Variants in TRDN observed in about 807,000 individuals in gnomAD.
TRDN encodes the protein triadin.
Under a neutral mutation model 149.7 loss-of-function variants are expected in TRDN, and 161 were observed. The observed-to-expected ratio is 1.08, with a 90% confidence interval of 0.95 to 1.23. The LOEUF is 1.23. Among genes scored for constraint, TRDN ranks in the 50% most tolerant of loss-of-function variants. TRDN has a pLI of 0.00. For synonymous variants in TRDN, 294 were observed against 250.5 expected (o/e 1.17, Z -1.64); for missense variants, 896 against 823.5 (o/e 1.09, Z -1.08).
At chr6:123,224,579 T>C (rs1056906551) in intron 38 of TRDN, among the ~76,000 whole-genome samples, 6 of 151,806 alleles carry the variant, frequency 4.0e-5, no homozygotes, top group African/African-American at 1.4e-4. Flanking sequence ...TTGACAATTC[T>C]AAAAAGCCCA....
At chr6:123,574,180 A>G (rs999546389) in intron 1 of TRDN, among the ~76,000 whole-genome samples, 12 of 152,026 alleles carry the variant, frequency 7.9e-5, no homozygotes, top group Non-Finnish European at 1.6e-4. Context: ...TCGGAGCAAA[A>G]TAATTTAATT....
At chr6:123,613,423 A>G (rs1784910417) in intron 1 of TRDN, among the ~76,000 whole-genome samples, 2 of 152,208 alleles carry the variant, frequency 1.3e-5, no homozygotes, top group South Asian at 4.1e-4. Flanking sequence ...AGAAAGAGAG[A>G]TGAGCATATT....
chr6:123,452,667 C>T (rs939936401), intron 10 of TRDN, among the ~76,000 whole-genome samples: 1 of 152,128 alleles, frequency 6.6e-6, no homozygotes, highest in Non-Finnish European at 1.5e-5. Flanking sequence ...GGGAAAATGA[C>T]CATACTGCCA....
At chr6:123,544,011 A>T (rs1251928616) in intron 4 of TRDN, among the ~76,000 whole-genome samples, 1 of 152,070 alleles carries the variant, frequency 6.6e-6, no homozygotes, top group Admixed American at 6.6e-5. Context: ...TAACCTTTAG[A>T]CTATAAGAAT....
chr6:123,588,022 T>C (rs1783592334), intron 1 of TRDN, among the ~76,000 whole-genome samples: 1 of 152,114 alleles, frequency 6.6e-6, no homozygotes, highest in South Asian at 2.1e-4. Context: ...AGATCAAGTT[T>C]CTTATTATGT....
intron 8 of TRDN, 112 bp from the exon 9 acceptor site, chr6:123,497,364 C>A: frequency 6.2e-6 from 4 of 648,446 alleles, no homozygotes; most frequent in Admixed American, 3.9e-5. Context: ...ATTTTGGTTA[C>A]TACAATATTT....
intron 12 of TRDN, among the ~76,000 whole-genome samples, chr6:123,415,975 G>A (rs1773633271): frequency 6.6e-6 from 1 of 152,070 alleles, no homozygotes; most frequent in Non-Finnish European, 1.5e-5. Context: ...TAGCACTGCT[G>A]GGCCTAAATG....
chr6:123,433,194 T>A (rs965708997), intron 12 of TRDN, among the ~76,000 whole-genome samples: 1 of 139,416 alleles, frequency 7.2e-6, no homozygotes, highest in Admixed American at 7.4e-5. Flanking sequence ...CATCACACAA[T>A]GATCCAGCAA....
chr6:123,455,387 G>A (rs182688232), intron 10 of TRDN, among the ~76,000 whole-genome samples: 22 of 150,094 alleles, frequency 1.5e-4, no homozygotes, highest in Admixed American at 5.3e-4. Flanking sequence ...TATATAGAGT[G>A]AAACAAAAAA....
chr6:123,435,964 A>G (rs1156894619), intron 12 of TRDN, among the ~76,000 whole-genome samples: 9 of 151,846 alleles, frequency 5.9e-5, no homozygotes, highest in African/African-American at 2.2e-4. Flanking sequence ...CATTTCCCTC[A>G]AAAAGCTAAA....
intron 4 of TRDN, among the ~76,000 whole-genome samples, chr6:123,532,971 G>T (rs1583200619): frequency 6.6e-6 from 1 of 151,838 alleles, no homozygotes; most frequent in Non-Finnish European, 1.5e-5. Flanking sequence ...ATACTGTTTT[G>T]CTTGCTCCCT....
chr6:123,397,055 AAAC>A (rs1772760911), intron 12 of TRDN, among the ~76,000 whole-genome samples: 1 of 152,090 alleles, frequency 6.6e-6, no homozygotes, highest in Admixed American at 6.5e-5. Flanking sequence ...CTGAAAAAAA[AAAC>A]AGTGTATTTA....
chr6:123,420,758 T>A (rs1582997658), intron 12 of TRDN, among the ~76,000 whole-genome samples: 1 of 152,168 alleles, frequency 6.6e-6, no homozygotes, highest in East Asian at 1.9e-4. Flanking sequence ...AGATACTCAG[T>A]GTCGAAAAAA....
intron 10 of TRDN, among the ~76,000 whole-genome samples, chr6:123,454,391 A>G (rs1775978161): frequency 6.6e-6 from 1 of 152,194 alleles, no homozygotes; most frequent in Non-Finnish European, 1.5e-5. Context: ...GTAAAAAAAT[A>G]TGTTTTAGTT....
chr6:123,351,572 G>A (rs1437740730), intron 21 of TRDN: 5 of 978,742 alleles, frequency 5.1e-6, no homozygotes, highest in Non-Finnish European at 6.1e-6. Flanking sequence ...AAAGCCCAAG[G>A]AAATAAATTC....
rs1434202710 is a variant in TRDN, at chr6:123,442,545, C to CAAA, written c.932-3545_932-3543dup. On this transcript the variant is annotated intron_variant, in intron 10 of 40. Coordinates refer to ENST00000334268, the MANE Select transcript of TRDN (RefSeq NM_006073.4). ...TGGGCCACAGAGCGAGACTCCGTCT[C>CAAA]AAAAAAAAAAAAAAAAGAAAAAAAA... is the stretch of plus-strand genomic sequence containing the variant. Among the ~76,000 whole-genome samples the CAAA allele has an allele frequency of 3.9e-3, 143 of 36,352 alleles. 1 individual carries two copies. Among genetic ancestry groups the CAAA allele is most frequent in the Non-Finnish European group, 7.0e-3 (120 of 17,078 alleles). 23.8% of individuals were successfully genotyped at this position (36,352 alleles called of 152,430 possible). A position where few individuals can be genotyped will look rare whatever the true frequency, so the allele number is the denominator to read the frequency against.
chr6:123,424,872 C>G (rs1774049464), intron 12 of TRDN, among the ~76,000 whole-genome samples: 1 of 152,152 alleles, frequency 6.6e-6, no homozygotes, highest in Non-Finnish European at 1.5e-5. Flanking sequence ...AACCTGGGTG[C>G]CTAAGTGGCT....
At chr6:123,620,262 G>A (rs1785314037) in intron 1 of TRDN, among the ~76,000 whole-genome samples, 1 of 152,150 alleles carries the variant, frequency 6.6e-6, no homozygotes, top group African/African-American at 2.4e-5. Context: ...TTAGAACACA[G>A]ATCACTAGGC....
intron 4 of TRDN, among the ~76,000 whole-genome samples, chr6:123,542,859 C>CGTGTGT (rs10678221): frequency 6.6e-4 from 97 of 147,092 alleles, no homozygotes; most frequent in Middle Eastern, 3.5e-3. Flanking sequence ...TGCATGTTTG[C>CGTGTGT]GTGTGTGTGT....
Sources: allele counts gnomAD v4.1 joint callset (sites outside exome capture counted in the v4.1 genomes callset), GRCh38; gene constraint gnomAD v4.1.1; transcripts MANE v1.5; gene names NCBI Gene and HGNC (gene_info 2026-07-23, HGNC 2026-07-21).